The following SASH1 variants were observed in gnomAD, a reference collection of about 807,000 sequenced individuals.
SASH1 encodes SAM and SH3 domain-containing protein 1.
A neutral mutation model predicts 125.2 loss-of-function variants in SASH1; 44 were observed. The ratio of observed to expected loss-of-function variants is 0.35; its 90% CI spans 0.28 to 0.45. The LOEUF (loss-of-function observed/expected upper bound fraction) is 0.45. Ranked by LOEUF, SASH1 falls within the 20% of genes least tolerant of loss-of-function variation. The pLI is 1.00. For missense variants in SASH1, 1,426 were observed against 1,614.5 expected (o/e 0.88, Z 2.00); for synonymous variants, 639 against 649.1 (o/e 0.98, Z 0.24).
intron 5 of SASH1, among the ~76,000 whole-genome samples, chr6:148,469,904 C>T (rs1429961979): frequency 6.6e-6 from 1 of 151,554 alleles, no homozygotes; most frequent in Non-Finnish European, 1.5e-5. Context: ...CTCCTGCCTG[C>T]AATCCCAGCT....
intron 1 of SASH1, among the ~76,000 whole-genome samples, chr6:148,309,120 A>G (rs997079351): frequency 1.3e-5 from 2 of 150,536 alleles, no homozygotes; most frequent in Admixed American, 1.3e-4. Context: ...CTTTCTCTAA[A>G]TGGTCCCATC....
At chr6:148,362,291 T>G (rs1302222429) in intron 1 of SASH1, among the ~76,000 whole-genome samples, 7 of 151,030 alleles carry the variant, frequency 4.6e-5, no homozygotes, top group Non-Finnish European at 7.4e-5. Flanking sequence ...GGCGCCATCT[T>G]GGCTCACTAC....
intron 9 of SASH1, among the ~76,000 whole-genome samples, chr6:148,516,535 G>A (rs1006961747): frequency 8.0e-6 from 1 of 125,774 alleles, no homozygotes. Flanking sequence ...CTTACAAAGG[G>A]TTGATCCTTT....
chr6:148,283,813 C>G (rs1779410434), intron 1 of SASH1, among the ~76,000 whole-genome samples: 1 of 152,058 alleles, frequency 6.6e-6, no homozygotes, highest in African/African-American at 2.4e-5. Context: ...ATCTGACTAC[C>G]TGGCTCTGAT....
chr6:148,198,357 T>G, the SASH1 span, among the ~76,000 whole-genome samples: 3 of 152,260 alleles, frequency 2.0e-5, no homozygotes, highest in African/African-American at 7.2e-5. Context: ...GAAAATGGAC[T>G]AATATCCTGA....
intron 1 of SASH1, among the ~76,000 whole-genome samples, chr6:148,375,657 C>T (rs4642501): frequency 0.093 from 14,120 of 152,134 alleles, 888 homozygotes; most frequent in South Asian, 0.21. Context: ...AAAGTATGGC[C>T]ATGATGTCAT....
In SASH1 at chr6:148,381,617, CTTTTTT is replaced by C. The variant is rs201145545; in HGVS notation, c.157-8496_157-8491del. Among the ~76,000 whole-genome samples, 108 of 77,894 alleles carry C rather than the reference CTTTTTT, an allele frequency of 1.4e-3. 2 individuals are homozygous for C. The highest frequency in any genetic ancestry group is 0.011 in the Middle Eastern group (1 of 88). 51.1% of individuals were successfully genotyped at this position (77,894 alleles called of 152,430 possible). ...ACTCCATCAGTGCCTTTCTTGCTTT[CTTTTTT>C]TTTTTTTTTTTTTTTTTTTTGAGAC... On this transcript the variant is annotated intron_variant, in intron 1 of 19. Coordinates refer to ENST00000367467, the MANE Select transcript of SASH1 (RefSeq NM_015278.5).
intron 1 of SASH1, chr6:148,272,507 A>G (rs1779087016): frequency 5.6e-6 from 2 of 358,028 alleles, no homozygotes; most frequent in African/African-American, 2.1e-5. Context: ...AGGGATTTTC[A>G]GTGCTACTGA....
chr6:148,354,847 C>T (rs964837450), intron 1 of SASH1, among the ~76,000 whole-genome samples: 9 of 152,214 alleles, frequency 5.9e-5, no homozygotes, highest in Admixed American at 3.3e-4. Flanking sequence ...ACTGCAACCT[C>T]TGCCTCCCGC....
chr6:148,452,947 G>T (rs746329723), intron 4 of SASH1, among the ~76,000 whole-genome samples: 6 of 152,266 alleles, frequency 3.9e-5, no homozygotes, highest in Non-Finnish European at 8.8e-5. Context: ...GCGTGCGTTT[G>T]TGCAGGCATA....
At chr6:148,387,978 C>T (rs1372663825) in intron 1 of SASH1, among the ~76,000 whole-genome samples, 1 of 134,650 alleles carries the variant, frequency 7.4e-6, no homozygotes, top group Non-Finnish European at 1.5e-5. Context: ...TGCAATGGCA[C>T]AATCCTGGCT....
intron 8 of SASH1, among the ~76,000 whole-genome samples, chr6:148,500,415 G>A (rs1466178441): frequency 1.3e-5 from 2 of 152,090 alleles, no homozygotes; most frequent in Admixed American, 6.6e-5. Flanking sequence ...GTTCATAGCT[G>A]GGGTAATTGG....
chr6:148,477,829 C>T (rs897773744), intron 7 of SASH1, among the ~76,000 whole-genome samples: 3 of 151,614 alleles, frequency 2.0e-5, no homozygotes, highest in Non-Finnish European at 4.4e-5. Flanking sequence ...TCCCGAGAAG[C>T]TGGGATTACA....
At chr6:148,389,173 A>G (rs1247995787) in intron 1 of SASH1, among the ~76,000 whole-genome samples, 1 of 152,224 alleles carries the variant, frequency 6.6e-6, no homozygotes, top group Non-Finnish European at 1.5e-5. Flanking sequence ...CATTTACTAC[A>G]TGCCGGGTGG....
intron 2 of SASH1, among the ~76,000 whole-genome samples, chr6:148,409,703 A>G (rs1302440012): frequency 6.6e-6 from 1 of 152,196 alleles, no homozygotes; most frequent in East Asian, 1.9e-4. Context: ...TGGGAGGCCT[A>G]GGTGGGCGGA....
chr6:148,210,920 G>A, the SASH1 span, among the ~76,000 whole-genome samples: 1 of 152,268 alleles, frequency 6.6e-6, no homozygotes, highest in African/African-American at 2.4e-5. Context: ...GGGATGTGTT[G>A]CTCAGTGTAT....
chr6:148,421,150 A>AAGGAAGGAAGAAAGAAAGAAAGGAAGG (rs1562396387), intron 2 of SASH1, among the ~76,000 whole-genome samples: 7 of 48,516 alleles, frequency 1.4e-4, no homozygotes, highest in African/African-American at 5.1e-4. Context: ...AGGAAGGAAG[A>AAGGAAGGAAGAAAGAAAGAAAGGAAGG]AAGAAAGAAA....
chr6:148,421,978 T>C (rs1785123489), intron 2 of SASH1, among the ~76,000 whole-genome samples: 1 of 152,188 alleles, frequency 6.6e-6, no homozygotes, highest in African/African-American at 2.4e-5. Context: ...ATGTGGCACA[T>C]TTTCTTCCAG....
At chr6:148,233,953 A>T in the SASH1 span, among the ~76,000 whole-genome samples, 3 of 151,742 alleles carry the variant, frequency 2.0e-5, no homozygotes, top group Non-Finnish European at 4.4e-5. Context: ...TATGTGATCC[A>T]CAGAGAAAAA....
Sources: gnomAD v4.1 joint callset for allele counts (sites outside exome capture counted in the v4.1 genomes callset) on GRCh38, gnomAD v4.1.1 for gene constraint, MANE v1.5 for transcripts, NCBI Gene and HGNC (gene_info 2026-07-23, HGNC 2026-07-21) for gene names.